The following CSGALNACT1 variants were observed in gnomAD, a reference collection of about 807,000 sequenced individuals.
CSGALNACT1 encodes beta4GalNAcT-1.
A neutral mutation model predicts 51.0 loss-of-function variants in CSGALNACT1; 52 were observed. The observed-to-expected ratio is 1.02, with a 90% CI of 0.82 to 1.29. The LOEUF is 1.29. Ranked by LOEUF, CSGALNACT1 falls within the 50% of genes most tolerant of loss-of-function variation. The pLI, the probability that CSGALNACT1 is intolerant of heterozygous loss-of-function variation, is 0.00. For synonymous variants in CSGALNACT1, 341 were observed against 254.4 expected (o/e 1.34, Z -3.24); for missense variants, 935 against 679.2 (o/e 1.38, Z -4.19).
chr8:19,444,445 T>G (rs538561934), intron 5 of CSGALNACT1, among the ~76,000 whole-genome samples: 1 of 152,296 alleles, frequency 6.6e-6, no homozygotes, highest in East Asian at 1.9e-4. Flanking sequence ...TGCATACGTG[T>G]ATGTGTGTAA....
chr8:19,569,437 C>T (rs539111612), intron 3 of CSGALNACT1, among the ~76,000 whole-genome samples: 1 of 152,074 alleles, frequency 6.6e-6, no homozygotes, highest in East Asian at 1.9e-4. Flanking sequence ...TACAATAAAG[C>T]TTTTTGAACC....
In CSGALNACT1 at chr8:19,570,585, C is replaced by T. The variant is rs185960801; in HGVS notation, c.-297+20575G>A. ...CCAAGGCATTCAGGACAGTGGCACACGCTGGGAGGGTTGTTCTAATTTAAG... is the reference window on the plus strand; with the variant it reads ...CCAAGGCATTCAGGACAGTGGCACATGCTGGGAGGGTTGTTCTAATTTAAG... On this transcript the variant is annotated intron_variant, in intron 3 of 9. Transcript: ENST00000454498. 1.8e-3 allele frequency among the ~76,000 whole-genome samples: 278 copies of T among 152,164 alleles called. 1 individual carries two copies. Among genetic ancestry groups the T allele is most frequent in the African/African-American group, 6.2e-3 (259 of 41,514 alleles).
At chr8:19,481,600 C>G (rs1248903515) in intron 4 of CSGALNACT1, among the ~76,000 whole-genome samples, 1 of 152,120 alleles carries the variant, frequency 6.6e-6, no homozygotes, top group African/African-American at 2.4e-5. Context: ...CCTGTGAAAA[C>G]AAAGTCCCAA....
intron 1 of CSGALNACT1, among the ~76,000 whole-genome samples, chr8:19,664,310 GCTA>G (rs1321465777): frequency 6.6e-6 from 1 of 152,112 alleles, no homozygotes; most frequent in Non-Finnish European, 1.5e-5. Flanking sequence ...AGTCAGAATG[GCTA>G]CTATTAAAGA....
intron 1 of CSGALNACT1, among the ~76,000 whole-genome samples, chr8:19,644,123 T>C (rs946238407): frequency 6.6e-6 from 1 of 152,202 alleles, no homozygotes; most frequent in African/African-American, 2.4e-5. Flanking sequence ...GAGTTTTTAA[T>C]AGAAAATTTG....
At chr8:19,681,104 G>A (rs1401472322) in intron 1 of CSGALNACT1, among the ~76,000 whole-genome samples, 1 of 152,078 alleles carries the variant, frequency 6.6e-6, no homozygotes, top group Non-Finnish European at 1.5e-5. Context: ...CCAATCCCCT[G>A]AAGATATGAA....
intron 3 of CSGALNACT1, among the ~76,000 whole-genome samples, chr8:19,563,356 G>A (rs1412347216): frequency 6.6e-6 from 1 of 152,124 alleles, no homozygotes; most frequent in East Asian, 1.9e-4. Context: ...GGGTTGACAG[G>A]TGCAGCAAAC....
At chr8:19,754,556 A>G (rs576897031) in intron 1 of CSGALNACT1, among the ~76,000 whole-genome samples, 1 of 152,372 alleles carries the variant, frequency 6.6e-6, no homozygotes, top group Non-Finnish European at 1.5e-5. Flanking sequence ...GGAAATTAGG[A>G]TATATAAAAT....
Position 19,654,668 on chromosome 8 carries a change from C to T in CSGALNACT1, c.-544+27805G>A, listed in dbSNP as rs1216767011. Among the ~76,000 whole-genome samples, 5 of 152,074 alleles carry T rather than the reference C, an allele frequency of 3.3e-5. No individual in the cohort carries two copies. The East Asian group carries it at 9.6e-4, about 29-fold the overall frequency. On this transcript the variant is annotated intron_variant, in intron 1 of 9. Coordinates refer to the CSGALNACT1 transcript ENST00000332246. ...CAAGCTATCCTCCCACCTCAGGCTC[C>T]CAAGTAGCTGGGACTACAGGCATGC... is the stretch of plus-strand genomic sequence containing the variant.
chr8:19,678,733 C>T (rs533501511), intron 1 of CSGALNACT1: 17 of 152,080 alleles, frequency 1.1e-4, no homozygotes, highest in South Asian at 6.2e-4. Flanking sequence ...TTTTGACCCA[C>T]GAAGGGGAGA....
At chr8:19,722,980 C>A (rs544013273) in intron 1 of CSGALNACT1, among the ~76,000 whole-genome samples, 3 of 152,192 alleles carry the variant, frequency 2.0e-5, no homozygotes, top group Non-Finnish European at 4.4e-5. Flanking sequence ...TACCTGCCAC[C>A]GATCTTTATT....
At chr8:19,635,377 T>C (rs2055895009) in intron 1 of CSGALNACT1, among the ~76,000 whole-genome samples, 1 of 152,228 alleles carries the variant, frequency 6.6e-6, no homozygotes, top group Non-Finnish European at 1.5e-5. Flanking sequence ...GCCCTCACTT[T>C]AGACACCAAG....
intron 1 of CSGALNACT1, among the ~76,000 whole-genome samples, chr8:19,621,610 C>G (rs1322500110): frequency 6.6e-6 from 1 of 152,008 alleles, no homozygotes; most frequent in African/African-American, 2.4e-5. Context: ...GACCCAGTCT[C>G]TACAAAAAAT....
rs1370114463 is a variant in CSGALNACT1, at chr8:19,667,076, AAAGAAAGAAAGAAAGAAAGAAAGG to A, written c.-544+15373_-544+15396del. On this transcript the variant is annotated intron_variant, in intron 1 of 9. Coordinates refer to the CSGALNACT1 transcript ENST00000332246. ...GAAAGAAAGAAAGAAAGAAAGAAAGAAAGAAAGAAAGAAAGAAAGAAAGGGAAAGAAATCTCATCACAATATCAA... is the reference window on the plus strand; with the variant it reads ...GAAAGAAAGAAAGAAAGAAAGAAAGAGAAAGAAATCTCATCACAATATCAA... Among the ~76,000 whole-genome samples, 261 of 126,864 alleles carry A rather than the reference AAAGAAAGAAAGAAAGAAAGAAAGG, an allele frequency of 2.1e-3. 57 individuals are homozygous for A. Among genetic ancestry groups the A allele is most frequent in the African/African-American group, 6.8e-3 (238 of 34,808 alleles). The allele number at this position is 126,864 out of a possible 152,430, so 83.2% of individuals were successfully genotyped here.
intron 3 of CSGALNACT1, among the ~76,000 whole-genome samples, chr8:19,589,382 C>A (rs1223875903): frequency 6.6e-6 from 1 of 152,114 alleles, no homozygotes; most frequent in East Asian, 1.9e-4. Context: ...CTGGAGTGCA[C>A]TGGCACGATC....
At chr8:19,536,475 C>A (rs372736412) in intron 3 of CSGALNACT1, among the ~76,000 whole-genome samples, 8 of 152,000 alleles carry the variant, frequency 5.3e-5, no homozygotes, top group African/African-American at 1.9e-4. Context: ...TATGTACATG[C>A]CTTATGTGCT....
At chr8:19,420,588 A>G in intron 6 of CSGALNACT1, 70 bp from the exon 6 acceptor site, 1 of 1,466,642 alleles carries the variant, frequency 6.8e-7, no homozygotes, top group South Asian at 1.1e-5. Flanking sequence ...GAAAATATGT[A>G]ATCAGGGCCC....
At chr8:19,481,950 G>T (rs753146953) in intron 4 of CSGALNACT1, among the ~76,000 whole-genome samples, 1 of 152,218 alleles carries the variant, frequency 6.6e-6, no homozygotes, top group Non-Finnish European at 1.5e-5. Flanking sequence ...GCTGGCAGGA[G>T]TGCAGGGGGC....
intron 1 of CSGALNACT1, among the ~76,000 whole-genome samples, chr8:19,727,233 T>A (rs1276545030): frequency 1.3e-5 from 2 of 152,204 alleles, no homozygotes; most frequent in African/African-American, 4.8e-5. Context: ...AAAAAAAATG[T>A]CCAGTGGAAT....
Sources: allele counts gnomAD v4.1 joint callset (sites outside exome capture counted in the v4.1 genomes callset), GRCh38; gene constraint gnomAD v4.1.1; transcripts MANE v1.5; gene names NCBI Gene and HGNC (gene_info 2026-07-23, HGNC 2026-07-21).